The following C10orf88 variants were observed in gnomAD, a reference collection of about 807,000 sequenced individuals.
C10orf88 encodes chromosome 10 open reading frame 88.
Under a neutral mutation model 34.2 loss-of-function variants are expected in C10orf88, and 29 were observed. The ratio of observed to expected loss-of-function variants is 0.85; its 90% CI spans 0.63 to 1.16. C10orf88 has a LOEUF of 1.16. Among genes scored for constraint, C10orf88 ranks in the 50% most tolerant of loss-of-function variants. C10orf88 has a pLI of 0.00. For missense variants in C10orf88, 507 were observed against 533.2 expected (o/e 0.95, Z 0.48); for synonymous variants, 194 against 197.4 (o/e 0.98, Z 0.15).
At chr10:122,949,630 A>T (rs1257230661) in intron 3 of C10orf88, among the ~76,000 whole-genome samples, 1 of 152,154 alleles carries the variant, frequency 6.6e-6, no homozygotes, top group Non-Finnish European at 1.5e-5. Flanking sequence ...ACAATTTAAA[A>T]CTTATGAATT....
chr10:122,942,331 T>C (rs868752327), intron 4 of C10orf88, among the ~76,000 whole-genome samples: 1 of 152,138 alleles, frequency 6.6e-6, no homozygotes, highest in Non-Finnish European at 1.5e-5. Context: ...CAACCCTTCA[T>C]GCTAAAAACT....
At chr10:122,944,496 G>A (rs1848618966) in intron 4 of C10orf88, among the ~76,000 whole-genome samples, 1 of 151,982 alleles carries the variant, frequency 6.6e-6, no homozygotes, top group African/African-American at 2.4e-5. Flanking sequence ...TGCACATTGT[G>A]CACATGTACC....
In C10orf88 at chr10:122,949,041, G is replaced by C. The variant is rs1297354796; in HGVS notation, c.442-186C>G. 2.6e-5 allele frequency among the ~76,000 whole-genome samples: 4 copies of C among 152,276 alleles called. No homozygotes were observed. The East Asian group carries it at 7.7e-4, about 29-fold the overall frequency. ...AAATTCCAATTTATCATGAGGCTCA[G>C]ATGAACTATTTAAATAAGAGTCCTT... On this transcript the variant is annotated intron_variant, in intron 3 of 5. Transcript: ENST00000481909.
At chr10:122,953,127 G>C in intron 1 of C10orf88, 95 bp from the exon 2 acceptor site, 1 of 986,370 alleles carries the variant, frequency 1.0e-6, no homozygotes, top group Non-Finnish European at 1.5e-6. Flanking sequence ...GCCCAGGCTG[G>C]AATGCAGTGG....
chr10:122,934,204 TATG>T (rs1848512518), intron 5 of C10orf88, among the ~76,000 whole-genome samples: 1 of 152,214 alleles, frequency 6.6e-6, no homozygotes, highest in South Asian at 2.1e-4. Flanking sequence ...TTGATATTAA[TATG>T]ATGTGTGTGT....
At chr10:122,951,662 C>T (rs745934055) in intron 3 of C10orf88, among the ~76,000 whole-genome samples, 3 of 152,052 alleles carry the variant, frequency 2.0e-5, no homozygotes, top group Non-Finnish European at 4.4e-5. Flanking sequence ...TGAGCCTCAT[C>T]TCTACTAAAA....
intron 4 of C10orf88, among the ~76,000 whole-genome samples, chr10:122,942,933 A>C (rs1341956688): frequency 2.7e-3 from 404 of 147,014 alleles, no homozygotes; most frequent in Non-Finnish European, 4.4e-3. Context: ...CAATATCGTG[A>C]AAATGGCCAT....
chr10:122,934,247 A>G (rs1465959164), intron 5 of C10orf88, among the ~76,000 whole-genome samples: 5 of 152,170 alleles, frequency 3.3e-5, no homozygotes, highest in Non-Finnish European at 5.9e-5. Flanking sequence ...TCATATGTAC[A>G]CATATTTATT....
chr10:122,941,682 A>G (rs750424121), intron 4 of C10orf88, among the ~76,000 whole-genome samples: 8 of 152,064 alleles, frequency 5.3e-5, no homozygotes, highest in Non-Finnish European at 8.8e-5. Context: ...TGTAAGAATC[A>G]CTCCATAAAT....
intron 4 of C10orf88, among the ~76,000 whole-genome samples, chr10:122,947,936 C>T (rs1215206633): frequency 6.6e-6 from 1 of 152,166 alleles, no homozygotes; most frequent in Non-Finnish European, 1.5e-5. Context: ...TCACTCTCAT[C>T]TGGACGAGGG....
In C10orf88 at chr10:122,954,016, C is replaced by G; in HGVS notation, c.163G>C (p.Gly55Arg). The change falls in exon 1 of 6, where the codon GGT (glycine) becomes CGT (arginine). Residue 55 changes from glycine to arginine, a missense_variant and splice_region_variant. Gly to Arg is a moderately radical substitution (Grantham distance 125). Coordinates refer to ENST00000481909, the MANE Select transcript of C10orf88 (RefSeq NM_024942.4). ...WEELLAPPAP[G>R]QDLVILKRNH... ...CCCGTCCCCGTCGGCCCGGCGCACC[C>G]TGGAGCAGGCGGTGCCAGCAGCTCC... The G allele has an allele frequency of 1.3e-6, 2 of 1,522,926 alleles. No individual in the cohort carries two copies. Among genetic ancestry groups the G allele is most frequent in the Non-Finnish European group, 1.8e-6 (2 of 1,139,020 alleles). 94.3% of individuals were successfully genotyped at this position (1,522,926 alleles called of 1,614,324 possible). A position where few individuals can be genotyped will look rare whatever the true frequency, so the allele number is the denominator to read the frequency against.
At chr10:122,936,905 T>C (rs1848538303) in intron 5 of C10orf88, among the ~76,000 whole-genome samples, 1 of 152,032 alleles carries the variant, frequency 6.6e-6, no homozygotes, top group Non-Finnish European at 1.5e-5. Context: ...ATAATCTATC[T>C]TTGCAAATCT....
At chr10:122,935,283 T>C (rs568964239) in intron 5 of C10orf88, among the ~76,000 whole-genome samples, 65 of 152,202 alleles carry the variant, frequency 4.3e-4, no homozygotes, top group African/African-American at 1.5e-3. Flanking sequence ...TTTATAGTTT[T>C]ATATTTTACA....
chr10:122,952,814 G>A lies in C10orf88; in HGVS notation c.368+15C>T, dbSNP rs1488920028. Reference sequence around the variant, plus strand: ...CTACTTCAGAAGAACACTTTCCCGTGTACAAGTCACACACCTGTCATCCAG... The same window carrying A: ...CTACTTCAGAAGAACACTTTCCCGTATACAAGTCACACACCTGTCATCCAG... On this transcript the variant is annotated intron_variant, in intron 2 of 5. Coordinates refer to ENST00000481909, the MANE Select transcript of C10orf88 (RefSeq NM_024942.4). The A allele has an allele frequency of 1.9e-6, 3 of 1,613,518 alleles. No homozygotes were observed. Among genetic ancestry groups the A allele is most frequent in the African/African-American group, 2.7e-5 (2 of 74,924 alleles).
In C10orf88 at chr10:122,932,500, G is replaced by A; in HGVS notation, c.1265C>T (p.Pro422Leu). The change falls in exon 6 of 6, where the codon CCT (proline) becomes CTT (leucine). Residue 422 changes from proline (P) to leucine (L), a missense_variant. Coordinates refer to ENST00000481909, the MANE Select transcript of C10orf88 (RefSeq NM_024942.4). ...AGGTATCCCAGTGGGCGGGGAGTTAGGATTTTGCAGCAAATCCAGTAACAA... is the reference window on the plus strand; with the variant it reads ...AGGTATCCCAGTGGGCGGGGAGTTAAGATTTTGCAGCAAATCCAGTAACAA... ...IALLLDLLQN[P>L]NSPPTGIPLR... 1 of 1,613,984 alleles carries A rather than the reference G, an allele frequency of 6.2e-7. No individual in the cohort carries two copies. Among genetic ancestry groups the A allele is most frequent in the Admixed American group, 1.7e-5 (1 of 59,994 alleles).
intron 4 of C10orf88, among the ~76,000 whole-genome samples, chr10:122,943,179 T>C (rs1425371384): frequency 7.0e-6 from 1 of 143,084 alleles, no homozygotes; most frequent in Non-Finnish European, 1.5e-5. Context: ...AACAGAGATA[T>C]AGATCAATGG....
In C10orf88 at chr10:122,952,027, C is replaced by T; in HGVS notation, c.369-1G>A. The T allele has an allele frequency of 7.1e-7, 1 of 1,405,412 alleles. No individual in the cohort carries two copies. The highest frequency in any genetic ancestry group is 1.3e-5 in the South Asian group (1 of 79,196). The allele number at this position is 1,405,412 out of a possible 1,614,324, so 87.1% of individuals were successfully genotyped here. A position where few individuals can be genotyped will look rare whatever the true frequency, so the allele number is the denominator to read the frequency against. ...ATACAAAATGATCTTTTCATGTTCA[C>T]TAAAAATAAAAAAGAATTAATTTTT... On this transcript the variant is annotated splice_acceptor_variant, in intron 2 of 5. Coordinates refer to ENST00000481909, the MANE Select transcript of C10orf88 (RefSeq NM_024942.4). LOFTEE classifies it high-confidence loss of function.
chr10:122,949,141 A>C (rs1046049122), intron 3 of C10orf88, among the ~76,000 whole-genome samples: 5 of 152,190 alleles, frequency 3.3e-5, no homozygotes, highest in Non-Finnish European at 5.9e-5. Flanking sequence ...AGAACTAAAA[A>C]TAAACTATAG....
At chr10:122,944,578 T>C (rs1848620299) in intron 4 of C10orf88, among the ~76,000 whole-genome samples, 1 of 152,136 alleles carries the variant, frequency 6.6e-6, no homozygotes, top group Non-Finnish European at 1.5e-5. Context: ...AAAACTCACT[T>C]AGACATGACT....
Sources: allele counts gnomAD v4.1 joint callset (sites outside exome capture counted in the v4.1 genomes callset), GRCh38; gene constraint gnomAD v4.1.1; transcripts MANE v1.5; gene names NCBI Gene and HGNC (gene_info 2026-07-23, HGNC 2026-07-21).